PRKDC: variants seen among roughly 807,000 people sequenced by gnomAD.
PRKDC encodes the protein DNA-dependent protein kinase catalytic subunit.
In PRKDC, 82 loss-of-function variants were observed where a neutral mutation model predicts 486.9. That is an observed-to-expected ratio of 0.17 (90% CI 0.14 to 0.20). The LOEUF (loss-of-function observed/expected upper bound fraction) is 0.20. Ranked by LOEUF, PRKDC falls within the 10% of genes least tolerant of loss-of-function variation. PRKDC has a pLI of 1.00. For synonymous variants in PRKDC, 1,895 were observed against 1,837.0 expected (o/e 1.03, Z -0.81); for missense variants, 4,504 against 5,038.2 (o/e 0.89, Z 3.21).
intron 80 of PRKDC, among the ~76,000 whole-genome samples, chr8:47,780,325 CTAT>C (rs777434537): frequency 1.3e-5 from 2 of 152,126 alleles, no homozygotes; most frequent in African/African-American, 2.4e-5. Context: ...TTCTGCACTC[CTAT>C]GAGAAAATAT....
intron 81 of PRKDC, 48 bp downstream of exon 81, chr8:47,778,956 C>T (rs2086653642): frequency 1.4e-6 from 2 of 1,476,956 alleles, no homozygotes; most frequent in Non-Finnish European, 1.8e-6. Flanking sequence ...ATGCAATTTG[C>T]AGAAGAATGA....
chr8:47,779,887 C>CACATCTT (rs2086669629), intron 80 of PRKDC, among the ~76,000 whole-genome samples: 1 of 142,258 alleles, frequency 7.0e-6, no homozygotes, highest in Non-Finnish European at 1.5e-5. Context: ...CACGCCTGGC[C>CACATCTT]TCTTTTTCTT....
intron 38 of PRKDC, among the ~76,000 whole-genome samples, chr8:47,879,986 C>T (rs922976097): frequency 2.6e-5 from 4 of 152,048 alleles, no homozygotes; most frequent in Non-Finnish European, 4.4e-5. Flanking sequence ...GCTGGGATTA[C>T]AGGCGCCTGC....
chr8:47,793,907 C>T (rs888321123), intron 74 of PRKDC, among the ~76,000 whole-genome samples: 1 of 152,048 alleles, frequency 6.6e-6, no homozygotes, highest in Non-Finnish European at 1.5e-5. Context: ...CTCATAAATC[C>T]GTTTAAGAGT....
chr8:47,882,188 A>G (rs2089235169), intron 36 of PRKDC, 91 bp from the exon 37 acceptor site: 1 of 1,199,400 alleles, frequency 8.3e-7, no homozygotes, highest in Admixed American at 2.3e-5. Context: ...CTATTCTTGG[A>G]AAATAAATAA....
rs774131218 is a variant in PRKDC at position 47,943,258 on chromosome 8, A to G, written c.917T>C (p.Val306Ala). ...VLLKWCAHTN[V>A]ELKKAALSAL... ...TGAAAGTGCAGCTTTTTTCAATTCT[A>G]CATTTGTGTGGGCACACCACTTTAA... The change falls in exon 10 of 86, where the codon GTA (valine) becomes GCA (alanine). Residue 306 changes from valine to alanine, a missense_variant. By Grantham distance (64) the Val-to-Ala change is moderately conservative (BLOSUM62 0). Around this residue, in one of 6 missense-constraint regions of PRKDC, gnomAD observed 1,969 missense variants for 2,068.9 expected, o/e 0.95. Transcript: ENST00000314191. 1 of 1,613,306 alleles carries G rather than the reference A, an allele frequency of 6.2e-7. No individual in the cohort carries two copies. The highest frequency in any genetic ancestry group is 1.1e-5 in the South Asian group (1 of 90,826).
chr8:47,946,158 C>T (rs953199454), intron 7 of PRKDC, among the ~76,000 whole-genome samples: 4 of 152,034 alleles, frequency 2.6e-5, no homozygotes, highest in Admixed American at 2.6e-4. Flanking sequence ...AGTGAAACCC[C>T]GTCTCTACTA....
intron 32 of PRKDC, among the ~76,000 whole-genome samples, chr8:47,889,441 G>A (rs2089409390): frequency 6.6e-6 from 1 of 152,222 alleles, no homozygotes; most frequent in African/African-American, 2.4e-5. Context: ...CAGACAACAG[G>A]TGGACAGAGG....
At chr8:47,879,834 CTT>C (rs759336069) in intron 38 of PRKDC, among the ~76,000 whole-genome samples, 176 bp from the exon 39 acceptor site, 2 of 99,218 alleles carry the variant, frequency 2.0e-5, no homozygotes, top group African/African-American at 4.1e-5. Flanking sequence ...TATACCTCAG[CTT>C]TTTTTTTTTT....
At position 47,939,674 on chromosome 8, in the gene PRKDC, AT is replaced by A; in HGVS notation, c.989del (p.Asn330MetfsTer47). The stretch of plus-strand genomic sequence containing the variant: ...GCAGTTTATTTTTATGCATTTCTGC[AT>A]TTTTCGCCACCATATTAGAAACCTG... Reference protein sequence around the residue: ...LKQVSNMVAKNAEMHKNKLQY... With the variant: ...LKQVSNMVAKXAEMHKNKLQY... On this transcript the variant is annotated frameshift_variant, in exon 11 of 86. Coordinates refer to ENST00000314191, the MANE Select transcript of PRKDC (RefSeq NM_006904.7). LOFTEE classifies it high-confidence loss of function. The A allele has an allele frequency of 6.2e-7, 1 of 1,603,870 alleles. No individual in the cohort carries two copies. The highest frequency in any genetic ancestry group is 1.1e-5 in the South Asian group (1 of 88,316).
chr8:47,872,120 C>T (rs760275615), intron 40 of PRKDC, among the ~76,000 whole-genome samples: 17 of 151,974 alleles, frequency 1.1e-4, no homozygotes, highest in Non-Finnish European at 1.6e-4. Context: ...AACAGCAAAA[C>T]GTTTAAAAAG....
intron 73 of PRKDC, among the ~76,000 whole-genome samples, chr8:47,797,358 T>C (rs1589702537): frequency 6.6e-6 from 1 of 152,350 alleles, no homozygotes; most frequent in East Asian, 1.9e-4. Context: ...ACATACATGT[T>C]GCACTTCTGA....
At position 47,849,207 on chromosome 8, in the gene PRKDC, T is replaced by C; in HGVS notation, c.7227A>G (p.Thr2409=). The change falls in exon 54 of 86, where the codon ACA becomes ACG. Residue 2409 remains threonine, a synonymous_variant. Coordinates refer to ENST00000314191, the MANE Select transcript of PRKDC (RefSeq NM_006904.7). ...TGCTCTTTAACTGGAAGTACAGCTCTGTCATTCCCTCCACACGACAAAGTA... is the reference window on the plus strand; with the variant it reads ...TGCTCTTTAACTGGAAGTACAGCTCCGTCATTCCCTCCACACGACAAAGTA... The part of the protein sequence containing the change: ...EVVLCRVEGM[T]ELYFQLKSKD... 2 of 1,614,032 alleles carry C rather than the reference T, an allele frequency of 1.2e-6. No homozygotes were observed. Among genetic ancestry groups the C allele is most frequent in the Non-Finnish European group, 1.7e-6 (2 of 1,179,884 alleles).
At position 47,815,615 on chromosome 8, in the gene PRKDC, G is replaced by C. The variant is rs138995090; in HGVS notation, c.9557+1835C>G. Among the ~76,000 whole-genome samples, 28 of 152,306 alleles carry C rather than the reference G, an allele frequency of 1.8e-4. 3 individuals carry two copies. Among genetic ancestry groups the C allele is most frequent in the African/African-American group, 6.5e-4 (27 of 41,570 alleles). ...CCCACTAAATAAAATTTGAATCCCT[G>C]AGTCTTTATTGATAATCTTTAAAAA... On this transcript the variant is annotated intron_variant, in intron 68 of 85. Coordinates refer to ENST00000314191, the MANE Select transcript of PRKDC (RefSeq NM_006904.7).
At chr8:47,939,725 G>A in intron 10 of PRKDC, 28 bp from the exon 11 acceptor site, 1 of 1,508,136 alleles carries the variant, frequency 6.6e-7, no homozygotes. Flanking sequence ...TTATTTTTTT[G>A]GAAATATTTA....
chr8:47,786,785 G>A (rs543188540), intron 76 of PRKDC, among the ~76,000 whole-genome samples: 7 of 130,358 alleles, frequency 5.4e-5, no homozygotes, highest in African/African-American at 1.5e-4. Context: ...GCTAGAGTGC[G>A]GTGGTGCGAT....
chr8:47,830,549 C>T (rs1211830141), intron 61 of PRKDC, 56 bp downstream of exon 61: 1 of 1,596,948 alleles, frequency 6.3e-7, no homozygotes, highest in East Asian at 2.2e-5. Context: ...AGGCAAACCC[C>T]TGAACTGGAA....
In PRKDC at chr8:47,834,270, A is replaced by C. The variant is rs751413311; in HGVS notation, c.8078T>G (p.Leu2693Trp). 1.1e-5 allele frequency: 18 copies of C among 1,614,016 alleles called. No individual in the cohort carries two copies. In the East Asian group the frequency reaches 4.0e-4, roughly 36 times the overall value. ...KRSERLQRAP[L>W]KSVGPDFGKK... ...CCCAAAATCAGGCCCCACTGACTTC[A>C]AGGGTGCTCTCTGTAACCTTTCACT... Residue 2693 changes from leucine to tryptophan, a missense_variant, in exon 59 of 86, where the codon TTG becomes TGG. Coordinates refer to ENST00000314191, the MANE Select transcript of PRKDC (RefSeq NM_006904.7).
At chr8:47,950,600 G>C (rs2090611527) in intron 7 of PRKDC, among the ~76,000 whole-genome samples, 1 of 148,450 alleles carries the variant, frequency 6.7e-6, no homozygotes. Context: ...CTGCACTCCA[G>C]CCTGGGCGAC....
Sources: allele counts gnomAD v4.1 joint callset (sites outside exome capture counted in the v4.1 genomes callset), GRCh38; gene constraint gnomAD v4.1.1; regional missense constraint gnomAD v4.1.1; transcripts MANE v1.5; gene names NCBI Gene and HGNC (gene_info 2026-07-23, HGNC 2026-07-21).